RFX6: variants seen among roughly 807,000 people sequenced by gnomAD.
RFX6 encodes the protein DNA-binding protein RFX6.
A neutral mutation model predicts 110.8 loss-of-function variants in RFX6; 50 were observed. That is an observed-to-expected ratio of 0.45 (90% confidence interval 0.36 to 0.57). The LOEUF (loss-of-function observed/expected upper bound fraction) is 0.57. RFX6 is among the 20% of genes least tolerant of loss of function. RFX6 has a pLI of 0.00. For synonymous variants in RFX6, 383 were observed against 411.2 expected, an observed-to-expected ratio of 0.93 and a Z score of 0.83; for missense variants, 990 against 1,127.0, an observed-to-expected ratio of 0.88 and a Z score of 1.74.
intron 4 of RFX6, among the ~76,000 whole-genome samples, chr6:116,887,538 T>C (rs1774725748): frequency 6.6e-6 from 1 of 152,224 alleles, no homozygotes; most frequent in Admixed American, 6.5e-5. Context: ...CCTGGTTTTA[T>C]TATCTGTGAT....
chr6:116,928,908 A>G lies in RFX6; in HGVS notation c.2548A>G (p.Lys850Glu). The G allele has an allele frequency of 1.9e-6, 3 of 1,614,046 alleles. No individual in the cohort carries two copies. Among genetic ancestry groups the G allele is most frequent in the Non-Finnish European group, 2.5e-6 (3 of 1,179,890 alleles). The stretch of plus-strand genomic sequence containing the variant: ...TAACATTTTAGATGACAGTGGTAGA[A>G]AACAGACCAGCTCGTTTTACACAGA... ...PLNILDDSGR[K>E]QTSSFYTDTS... The change falls in exon 18 of 19, where the codon AAA becomes GAA. Residue 850 changes from lysine to glutamate, a missense_variant. Lys to Glu is a moderately conservative substitution (Grantham distance 56, BLOSUM62 1). This residue lies in a region of RFX6 where 438 missense variants were observed against 441.9 expected (regional missense o/e 0.99). Transcript: ENST00000332958.
Position 116,927,402 on chromosome 6 carries a change from C to G in RFX6, c.2261C>G (p.Pro754Arg). ...CAGSPYNSRP[P>R]SSYGPSLQAQ... The stretch of plus-strand genomic sequence containing the variant: ...GGGTCTCCATATAACTCCCGGCCAC[C>G]GTCTAGCTATGGCCCATCCCTGCAA... Residue 754 changes from proline to arginine, a missense_variant, in exon 17 of 19, where the codon CCG becomes CGG. Transcript: ENST00000332958. The G allele has an allele frequency of 6.2e-7, 1 of 1,614,106 alleles. No homozygotes were observed.
chr6:116,927,235 C>A lies in RFX6; in HGVS notation c.2094C>A (p.Ser698Arg), dbSNP rs1357176352. Reference sequence around the variant, plus strand: ...CTCAAGCCAATCATGACTTTTATAGCACCAGCTCTAACTACCAGACTGTGT... The same window carrying A: ...CTCAAGCCAATCATGACTTTTATAGAACCAGCTCTAACTACCAGACTGTGT... ...TLPQANHDFYSTSSNYQTVFR... is the reference protein window; with the variant it reads ...TLPQANHDFYRTSSNYQTVFR... The change falls in exon 17 of 19, where the codon AGC (serine) becomes AGA (arginine). Residue 698 changes from serine to arginine, a missense_variant. By Grantham distance (110) the Ser-to-Arg change is moderately radical. Coordinates refer to ENST00000332958, the MANE Select transcript of RFX6 (RefSeq NM_173560.4). The A allele has an allele frequency of 7.4e-6, 12 of 1,614,196 alleles. No homozygotes were observed. The highest frequency in any genetic ancestry group is 1.0e-5 in the Non-Finnish European group (12 of 1,180,018).
Position 116,920,418 on chromosome 6 carries a change from G to A in RFX6, c.1291G>A (p.Gly431Ser), listed in dbSNP as rs1775568475. The A allele has an allele frequency of 6.2e-7, 1 of 1,613,212 alleles. No homozygotes were observed. Among genetic ancestry groups the A allele is most frequent in the African/African-American group, 1.3e-5 (1 of 74,790 alleles). The change falls in exon 12 of 19, where the codon GGC becomes AGC. Residue 431 changes from glycine (G) to serine (S), a missense_variant. Around this residue, in one of 5 missense-constraint regions of RFX6, gnomAD observed 45 missense variants for 29.3 expected, o/e 1.53. Coordinates refer to ENST00000332958, the MANE Select transcript of RFX6 (RefSeq NM_173560.4). ...IGSQALLTIS[G>S]STDTESGIYT... is the part of the protein sequence containing the mutation. Reference sequence around the variant, plus strand: ...CTCTCAAGCCCTTCTTACCATTTCAGGCAGCACAGACACTGAATCTGGTAT... The same window carrying A: ...CTCTCAAGCCCTTCTTACCATTTCAAGCAGCACAGACACTGAATCTGGTAT...
intron 6 of RFX6, among the ~76,000 whole-genome samples, chr6:116,908,731 G>A (rs987175217): frequency 6.6e-6 from 1 of 151,708 alleles, no homozygotes; most frequent in Non-Finnish European, 1.5e-5. Flanking sequence ...GATTGAGAGA[G>A]AGAGAGGCTA....
At chr6:116,884,331 C>G (rs190057998) in intron 4 of RFX6, among the ~76,000 whole-genome samples, 1 of 152,228 alleles carries the variant, frequency 6.6e-6, no homozygotes, top group African/African-American at 2.4e-5. Flanking sequence ...AGGACAGAAA[C>G]TTTGTCTCAT....
chr6:116,886,948 A>G (rs1162931710), intron 4 of RFX6, among the ~76,000 whole-genome samples: 2 of 152,136 alleles, frequency 1.3e-5, no homozygotes, highest in African/African-American at 4.8e-5. Flanking sequence ...CTGTAGTCCC[A>G]GCTACTCAGG....
intron 14 of RFX6, 30 bp from the exon 15 acceptor site, chr6:116,924,639 T>C (rs761922544): frequency 6.3e-7 from 1 of 1,597,306 alleles, no homozygotes. Flanking sequence ...TTTCACACTG[T>C]CCTCTCCTCA....
At chr6:116,877,706 G>A (rs1774493621) in intron 1 of RFX6, 90 bp from the exon 2 acceptor site, 2 of 1,341,762 alleles carry the variant, frequency 1.5e-6, no homozygotes, top group East Asian at 4.8e-5. Context: ...ACCCCAGTAG[G>A]CTACTCCTTT....
chr6:116,927,412 T>C lies in RFX6; in HGVS notation c.2271T>C (p.Tyr757=). The C allele has an allele frequency of 6.2e-7, 1 of 1,614,172 alleles. No homozygotes were observed. Among genetic ancestry groups the C allele is most frequent in the Non-Finnish European group, 8.5e-7 (1 of 1,180,010 alleles). ...ATAACTCCCGGCCACCGTCTAGCTATGGCCCATCCCTGCAAGCCCAGGATT... is the reference window on the plus strand; with the variant it reads ...ATAACTCCCGGCCACCGTCTAGCTACGGCCCATCCCTGCAAGCCCAGGATT... ...SPYNSRPPSS[Y]GPSLQAQDSH... is the part of the protein sequence containing the mutation. The change falls in exon 17 of 19, where the codon TAT becomes TAC. Residue 757 remains tyrosine, a synonymous_variant. Coordinates refer to ENST00000332958, the MANE Select transcript of RFX6 (RefSeq NM_173560.4).
chr6:116,922,254 G>T (rs1290489860), intron 13 of RFX6, 103 bp downstream of exon 13: 2 of 729,954 alleles, frequency 2.7e-6, no homozygotes, highest in Admixed American at 3.8e-5. Flanking sequence ...AAGGCTGTGT[G>T]TGTAAAGGCT....
chr6:116,917,616 T>C (rs1775496196), intron 9 of RFX6, among the ~76,000 whole-genome samples: 1 of 152,108 alleles, frequency 6.6e-6, no homozygotes, highest in Non-Finnish European at 1.5e-5. Flanking sequence ...AGTATAAACA[T>C]CCTGACTTTA....
At chr6:116,908,414 G>T (rs948970614) in intron 6 of RFX6, among the ~76,000 whole-genome samples, 3 of 152,006 alleles carry the variant, frequency 2.0e-5, no homozygotes, top group Non-Finnish European at 4.4e-5. Flanking sequence ...GTTTTTCAAT[G>T]AAATCAATTA....
chr6:116,906,364 T>C (rs567990093), intron 6 of RFX6, among the ~76,000 whole-genome samples: 3 of 152,340 alleles, frequency 2.0e-5, no homozygotes, highest in East Asian at 3.9e-4. Context: ...TGAGATTCCA[T>C]AGATATTTTT....
chr6:116,928,720 A>C, intron 17 of RFX6, 39 bp from the exon 18 acceptor site: 2 of 1,449,856 alleles, frequency 1.4e-6, no homozygotes, highest in Non-Finnish European at 1.9e-6. Context: ...AGTTCTTTGT[A>C]GTAAGTTAAC....
intron 4 of RFX6, 59 bp from the exon 5 acceptor site, chr6:116,893,927 CT>C (rs1156416382): frequency 5.2e-6 from 5 of 967,014 alleles, no homozygotes; most frequent in African/African-American, 1.6e-5. Flanking sequence ...ACCTTAGTCT[CT>C]TTTTCCCCTC....
At chr6:116,895,070 T>C in intron 5 of RFX6, 110 bp from the exon 6 acceptor site, 2 of 617,858 alleles carry the variant, frequency 3.2e-6, no homozygotes, top group East Asian at 2.7e-5. Context: ...CTCCAGCTTA[T>C]TTCTCTAATC....
intron 8 of RFX6, 46 bp from the exon 9 acceptor site, chr6:116,916,155 C>A (rs374346770): frequency 6.4e-7 from 1 of 1,552,920 alleles, no homozygotes; most frequent in Non-Finnish European, 8.9e-7. Flanking sequence ...TTAATGAGTT[C>A]ATGTTAAAGA....
chr6:116,905,507 A>G (rs1775180713), intron 6 of RFX6, among the ~76,000 whole-genome samples: 1 of 151,950 alleles, frequency 6.6e-6, no homozygotes, highest in Non-Finnish European at 1.5e-5. Context: ...TACTGTGATC[A>G]TAGTGTCATG....
Sources: gnomAD v4.1 joint callset for allele counts (sites outside exome capture counted in the v4.1 genomes callset) on GRCh38, gnomAD v4.1.1 for gene constraint, gnomAD v4.1.1 regional missense constraint, MANE v1.5 for transcripts, NCBI Gene and HGNC (gene_info 2026-07-23, HGNC 2026-07-21) for gene names.